PDZRN3: variants seen among roughly 807,000 people sequenced by gnomAD.
The protein encoded by PDZRN3 is PDZ domain containing ring finger 3.
PDZRN3 carries 38 observed loss-of-function variants against 85.7 expected under a neutral mutation model. That is an observed-to-expected ratio of 0.44 (90% CI 0.34 to 0.58). The LOEUF is 0.58. Among genes scored for constraint, PDZRN3 ranks in the 20% least tolerant of loss-of-function variants. PDZRN3 has a pLI of 0.01. For synonymous variants in PDZRN3, 759 were observed against 638.0 expected (o/e 1.19, Z -2.86); for missense variants, 1,629 against 1,506.4 (o/e 1.08, Z -1.35).
intron 3 of PDZRN3, among the ~76,000 whole-genome samples, chr3:73,513,903 T>C (rs1416933500): frequency 2.0e-5 from 3 of 152,256 alleles, no homozygotes; most frequent in Non-Finnish European, 4.4e-5. Context: ...AAGAATCTTA[T>C]TTGTTTCTAT....
rs145972744 is a variant in PDZRN3 at position 73,573,986 on chromosome 3, C to T, written c.918+28368G>A. On this transcript the variant is annotated intron_variant, in intron 3 of 9. Coordinates refer to ENST00000263666, the MANE Select transcript of PDZRN3 (RefSeq NM_015009.3). Reference sequence around the variant, plus strand: ...AAGTTTGCCTTGCCATATATGCAAACTTCTAGCTGCCTGGAAAAGCATGCA... The same window carrying T: ...AAGTTTGCCTTGCCATATATGCAAATTTCTAGCTGCCTGGAAAAGCATGCA... 1.3e-3 allele frequency among the ~76,000 whole-genome samples: 204 copies of T among 152,286 alleles called. 1 individual carries two copies. Among genetic ancestry groups the T allele is most frequent in the African/African-American group, 4.7e-3 (197 of 41,568 alleles).
rs555498846 is a variant in PDZRN3 at position 73,391,048 on chromosome 3, A to G, written c.1323T>C (p.Asp441=). 10 of 1,613,686 alleles carry G rather than the reference A, an allele frequency of 6.2e-6. No homozygotes were observed. The South Asian group carries it at 8.8e-5, about 14-fold the overall frequency. The change falls in exon 6 of 10, where the codon GAT becomes GAC. Residue 441 remains aspartate (D), a synonymous_variant. Transcript: ENST00000263666. The stretch of plus-strand genomic sequence containing the variant: ...TGATATAAATCCCAATGTCGTCTTC[A>G]TCGTCCGTCCGGTAGCACACAGTGA... ...LGLTVCYRTD[D]EDDIGIYISE...
chr3:73,516,716 T>C (rs994272436), intron 3 of PDZRN3, among the ~76,000 whole-genome samples: 1 of 152,220 alleles, frequency 6.6e-6, no homozygotes, highest in East Asian at 1.9e-4. Context: ...CCATGAAAAA[T>C]GTAAAAACAA....
At chr3:73,477,286 AG>A (rs768644791) in intron 3 of PDZRN3, among the ~76,000 whole-genome samples, 30 of 152,196 alleles carry the variant, frequency 2.0e-4, no homozygotes, top group Non-Finnish European at 4.3e-4. Flanking sequence ...GCTCAGCAAG[AG>A]GAAGTATCTT....
rs368068804 is a variant in PDZRN3, at chr3:73,592,175, G to A, written c.918+10179C>T. ...TGTGCGTTGCATTTATCTGGCTAACGGATCCTCAAATCAATATGTCTGGAA... is the reference window on the plus strand; with the variant it reads ...TGTGCGTTGCATTTATCTGGCTAACAGATCCTCAAATCAATATGTCTGGAA... On this transcript the variant is annotated intron_variant, in intron 3 of 9. Transcript: ENST00000263666. Among the ~76,000 whole-genome samples, 60 of 152,032 alleles carry A rather than the reference G, an allele frequency of 3.9e-4. No homozygotes were observed. In the South Asian group the frequency reaches 0.012, roughly 30 times the overall value.
At position 73,383,538 on chromosome 3, in the gene PDZRN3, C is replaced by T. The variant is rs371515948; in HGVS notation, c.3028G>A (p.Asp1010Asn). 33 of 1,614,050 alleles carry T rather than the reference C, an allele frequency of 2.0e-5. No homozygotes were observed. In the African/African-American group the frequency reaches 3.9e-4, roughly 19 times the overall value. The change falls in exon 10 of 10, where the codon GAT becomes AAT. Residue 1010 changes from aspartate to asparagine, a missense_variant. Asp to Asn is a conservative substitution (Grantham distance 23). Transcript: ENST00000263666. ...LDCLKEQQAA[D>N]DRKEMNILEL... Reference sequence around the variant, plus strand: ...AGAATGTTCATCTCCTTCCTGTCATCGGCTGCTTGCTGCTCCTTGAGACAA... The same window carrying T: ...AGAATGTTCATCTCCTTCCTGTCATTGGCTGCTTGCTGCTCCTTGAGACAA...
At chr3:73,460,439 G>A (rs1703080282) in intron 3 of PDZRN3, among the ~76,000 whole-genome samples, 1 of 152,166 alleles carries the variant, frequency 6.6e-6, no homozygotes, top group African/African-American at 2.4e-5. Context: ...ATCTGTTGGA[G>A]TCATTAAATC....
intron 3 of PDZRN3, among the ~76,000 whole-genome samples, chr3:73,473,255 T>TC (rs1651380312): frequency 6.6e-6 from 1 of 152,162 alleles, no homozygotes; most frequent in South Asian, 2.1e-4. Context: ...TATTTTTTTT[T>TC]CTCTTTGTTT....
chr3:73,471,055 A>T (rs1281391886), intron 3 of PDZRN3, among the ~76,000 whole-genome samples: 1 of 152,162 alleles, frequency 6.6e-6, no homozygotes, highest in Non-Finnish European at 1.5e-5. Context: ...TCAGAATGTG[A>T]CCTTATTTGG....
At chr3:73,537,252 T>TGGAGAAGGC (rs1704809079) in intron 3 of PDZRN3, among the ~76,000 whole-genome samples, 1 of 151,950 alleles carries the variant, frequency 6.6e-6, no homozygotes, top group Non-Finnish European at 1.5e-5. Flanking sequence ...CTAGGGAAGG[T>TGGAGAAGGC]GGGGCCACAG....
At chr3:73,523,488 TACATACAAATAC>T (rs1456093441) in intron 3 of PDZRN3, among the ~76,000 whole-genome samples, 3 of 152,166 alleles carry the variant, frequency 2.0e-5, no homozygotes, top group African/African-American at 7.2e-5. Flanking sequence ...TATATGTACA[TACATACAAATAC>T]ACACATTTAT....
intron 3 of PDZRN3, among the ~76,000 whole-genome samples, chr3:73,548,858 G>T (rs865999434): frequency 6.6e-6 from 1 of 152,114 alleles, no homozygotes; most frequent in African/African-American, 2.4e-5. Context: ...GAAGACATAA[G>T]GAAAAATGGA....
intron 3 of PDZRN3, among the ~76,000 whole-genome samples, chr3:73,535,131 G>GT (rs1168482787): frequency 6.6e-6 from 1 of 152,124 alleles, no homozygotes; most frequent in African/African-American, 2.4e-5. Context: ...AATGACCCAG[G>GT]TGGCAGGCTG....
chr3:73,418,150 CT>C (rs1261865772), intron 3 of PDZRN3, among the ~76,000 whole-genome samples: 3 of 152,142 alleles, frequency 2.0e-5, no homozygotes, highest in African/African-American at 7.2e-5. Flanking sequence ...CACAGAAGGG[CT>C]TTAAAATATG....
chr3:73,408,207 A>T, intron 3 of PDZRN3: 1 of 703,154 alleles, frequency 1.4e-6, no homozygotes. Context: ...CAGCGTTGGA[A>T]TCCTGGCTGT....
At chr3:73,522,917 CAAT>C (rs1453449157) in intron 3 of PDZRN3, among the ~76,000 whole-genome samples, 1 of 152,180 alleles carries the variant, frequency 6.6e-6, no homozygotes, top group Non-Finnish European at 1.5e-5. Flanking sequence ...ACTCAAACCT[CAAT>C]GATGTGTGTC....
chr3:73,517,111 T>C (rs1405213219), intron 3 of PDZRN3, among the ~76,000 whole-genome samples: 2 of 152,138 alleles, frequency 1.3e-5, no homozygotes, highest in Non-Finnish European at 2.9e-5. Flanking sequence ...GGTGTGTGTG[T>C]GCGTTTACCC....
At chr3:73,413,760 G>T (rs1398247684) in intron 3 of PDZRN3, among the ~76,000 whole-genome samples, 3 of 152,242 alleles carry the variant, frequency 2.0e-5, no homozygotes, top group South Asian at 4.2e-4. Context: ...AGAGGGAGAG[G>T]TGGGGCCCGG....
At chr3:73,567,205 G>A (rs1701965161) in intron 3 of PDZRN3, among the ~76,000 whole-genome samples, 1 of 152,100 alleles carries the variant, frequency 6.6e-6, no homozygotes, top group South Asian at 2.1e-4. Flanking sequence ...TGATCAACAT[G>A]GACATCTATC....
Sources: allele counts gnomAD v4.1 joint callset (sites outside exome capture counted in the v4.1 genomes callset), GRCh38; gene constraint gnomAD v4.1.1; transcripts MANE v1.5; gene names NCBI Gene and HGNC (gene_info 2026-07-23, HGNC 2026-07-21).